Variants in FAM81A observed in about 807,000 individuals in gnomAD.
The protein encoded by FAM81A is family with sequence similarity 81 member A, also known as protein FAM81A.
Under a neutral mutation model 46.7 loss-of-function variants are expected in FAM81A, and 19 were observed. That is an observed-to-expected ratio of 0.41 (90% confidence interval 0.28 to 0.60). The LOEUF (loss-of-function observed/expected upper bound fraction) is 0.60. Ranked by LOEUF, FAM81A falls within the 20% of genes least tolerant of loss-of-function variation. The pLI is 0.34. For missense variants in FAM81A, 377 were observed against 453.5 expected (o/e 0.83, Z 1.53); for synonymous variants, 183 against 152.9 (o/e 1.20, Z -1.45).
At position 59,460,562 on chromosome 15, in the gene FAM81A, A is replaced by G; in HGVS notation, c.294+356A>G. On this transcript the variant is annotated intron_variant, in intron 3 of 8. Transcript: ENST00000288228. This position sits in a 1 kb window ranked among gnomAD's most constrained non-coding sequence, Gnocchi z 4.4. ...GAAGACAGCTATTAAGTCAATTACT[A>G]AGGTCAGACTCTGTTGCTTCAGATT... The G allele has an allele frequency of 2.7e-6, 1 of 371,594 alleles. No individual in the cohort carries two copies. The highest frequency in any genetic ancestry group is 5.2e-6 in the Non-Finnish European group (1 of 193,652). 23.0% of individuals were successfully genotyped at this position (371,594 alleles called of 1,614,324 possible).
chr15:59,445,878 A>G (rs1365868002), intron 1 of FAM81A, among the ~76,000 whole-genome samples: 3 of 152,218 alleles, frequency 2.0e-5, no homozygotes, highest in African/African-American at 7.2e-5. Context: ...AAAGTTGCCA[A>G]ATATTGCTGT....
intron 3 of FAM81A, among the ~76,000 whole-genome samples, chr15:59,461,123 C>T (rs561138546): frequency 3.2e-4 from 49 of 152,200 alleles, no homozygotes; most frequent in African/African-American, 1.2e-3. Context: ...TAGGACACTG[C>T]CATCACCTTC....
At chr15:59,479,522 A>G (rs1596509431) in intron 3 of FAM81A, among the ~76,000 whole-genome samples, 2 of 32,120 alleles carry the variant, frequency 6.2e-5, no homozygotes, top group Middle Eastern at 0.011. Flanking sequence ...AAAATAAGAA[A>G]AAAAAAAAAA....
At chr15:59,472,369 A>C (rs1217801414) in intron 3 of FAM81A, among the ~76,000 whole-genome samples, 2 of 151,886 alleles carry the variant, frequency 1.3e-5, no homozygotes, top group African/African-American at 4.8e-5. Flanking sequence ...CCAAACCAAA[A>C]CATAACGAAA....
chr15:59,442,552 G>T (rs2081309967), intron 1 of FAM81A, among the ~76,000 whole-genome samples: 1 of 149,026 alleles, frequency 6.7e-6, no homozygotes, highest in Non-Finnish European at 1.5e-5. Flanking sequence ...AGAAGGTGGA[G>T]GTTGCAGTGA....
chr15:59,401,375 G>T (rs2081069331), intron 1 of FAM81A: 2 of 787,322 alleles, frequency 2.5e-6, no homozygotes, highest in African/African-American at 1.7e-5. Flanking sequence ...ACCCAAAGTT[G>T]TATACAGTGG....
chr15:59,460,444 G>A lies in FAM81A; in HGVS notation c.294+238G>A. 1.7e-6 allele frequency: 1 copy of A among 603,838 alleles called. No homozygotes were observed. Among genetic ancestry groups the A allele is most frequent in the Non-Finnish European group, 2.9e-6 (1 of 339,578 alleles). 37.4% of individuals were successfully genotyped at this position (603,838 alleles called of 1,614,324 possible). ...GTTATGTTTAATCTAAATTTACCTTGCTGATTATTAAATGATTTTATTTTG... is the reference window on the plus strand; with the variant it reads ...GTTATGTTTAATCTAAATTTACCTTACTGATTATTAAATGATTTTATTTTG... On this transcript the variant is annotated intron_variant, in intron 3 of 8. Coordinates refer to ENST00000288228, the MANE Select transcript of FAM81A (RefSeq NM_152450.3). The surrounding 1 kb of genome is among the most constrained non-coding windows in gnomAD (Gnocchi z 4.4).
At chr15:59,401,847 T>C (rs1393570833) in intron 1 of FAM81A, 1 of 747,086 alleles carries the variant, frequency 1.3e-6, no homozygotes, top group African/African-American at 1.8e-5. Flanking sequence ...AGCATGGCCC[T>C]GTTTATGGTA....
intron 3 of FAM81A, among the ~76,000 whole-genome samples, chr15:59,485,599 G>A (rs1376648389): frequency 2.6e-5 from 4 of 152,312 alleles, no homozygotes; most frequent in Admixed American, 6.5e-5. Context: ...TGCAGTGACC[G>A]AAAACTTAGA....
intron 1 of FAM81A, among the ~76,000 whole-genome samples, chr15:59,440,347 G>A (rs891423041): frequency 6.6e-6 from 1 of 152,142 alleles, no homozygotes; most frequent in East Asian, 1.9e-4. Context: ...AGCAGCAGGA[G>A]ACGATGAAGA....
chr15:59,398,842 G>A (rs1297761136), intron 1 of FAM81A, among the ~76,000 whole-genome samples: 1 of 150,698 alleles, frequency 6.6e-6, no homozygotes, highest in East Asian at 2.0e-4. Flanking sequence ...CTAGGGTGTG[G>A]TCTATGTCTT....
At chr15:59,432,609 T>C (rs1378403223) in intron 2 of FAM81A, among the ~76,000 whole-genome samples, 3 of 152,206 alleles carry the variant, frequency 2.0e-5, no homozygotes, top group Non-Finnish European at 4.4e-5. Flanking sequence ...TAGAACTTAA[T>C]AGCTTTGGGA....
chr15:59,449,532 A>G (rs1567047808), intron 1 of FAM81A, among the ~76,000 whole-genome samples: 2 of 152,188 alleles, frequency 1.3e-5, no homozygotes, highest in Non-Finnish European at 2.9e-5. Context: ...CTGTAATCCC[A>G]GCACTTTGGG....
At chr15:59,454,553 G>A (rs1193648920) in intron 1 of FAM81A, among the ~76,000 whole-genome samples, 1 of 151,928 alleles carries the variant, frequency 6.6e-6, no homozygotes, top group Non-Finnish European at 1.5e-5. Flanking sequence ...TTAGATAATA[G>A]CATTTCACTT....
intron 3 of FAM81A, among the ~76,000 whole-genome samples, chr15:59,480,503 G>A (rs190791035): frequency 5.1e-4 from 78 of 152,230 alleles, no homozygotes; most frequent in East Asian, 2.5e-3. Flanking sequence ...AAGATAGGCC[G>A]TATCTTTGAA....
rs1472486332 is a variant in FAM81A, at chr15:59,521,947, C to T, written c.*569C>T. ...AGGATTTAACATTTAGAATAAACCC[C>T]ACCATTTATGTAATGGAAATAGTTT... On this transcript the variant is annotated 3_prime_UTR_variant, in exon 9 of 9. Coordinates refer to ENST00000288228, the MANE Select transcript of FAM81A (RefSeq NM_152450.3). The T allele has an allele frequency of 6.6e-6, 1 of 152,256 alleles. No individual in the cohort carries two copies. The highest frequency in any genetic ancestry group is 1.9e-4 in the East Asian group (1 of 5,198). 9.4% of individuals were successfully genotyped at this position (152,256 alleles called of 1,614,324 possible).
At chr15:59,478,092 T>C (rs1449187777) in intron 3 of FAM81A, among the ~76,000 whole-genome samples, 1 of 152,224 alleles carries the variant, frequency 6.6e-6, no homozygotes, top group Non-Finnish European at 1.5e-5. Context: ...GGTGGTAAGC[T>C]TTCCTTTCCA....
intron 2 of FAM81A, among the ~76,000 whole-genome samples, chr15:59,421,664 G>A (rs2081171911): frequency 6.6e-6 from 1 of 151,844 alleles, no homozygotes; most frequent in African/African-American, 2.4e-5. Flanking sequence ...AAAGTATTGA[G>A]GTTTTAAAGC....
At chr15:59,420,058 G>A (rs2081164194) in intron 2 of FAM81A, among the ~76,000 whole-genome samples, 1 of 152,192 alleles carries the variant, frequency 6.6e-6, no homozygotes, top group Admixed American at 6.5e-5. Context: ...TTGATTCACA[G>A]AGAATTTACC....
Sources: gnomAD v4.1 joint callset for allele counts (sites outside exome capture counted in the v4.1 genomes callset) on GRCh38, gnomAD v4.1.1 for gene constraint, Gnocchi (gnomAD v3.1) non-coding constraint, MANE v1.5 for transcripts, NCBI Gene and HGNC (gene_info 2026-07-23, HGNC 2026-07-21) for gene names.